CACNA1A: variants seen among roughly 807,000 people sequenced by gnomAD.
The protein encoded by CACNA1A is calcium voltage-gated channel subunit alpha1 A, also known as voltage-dependent P/Q-type calcium channel subunit alpha-1A.
A neutral mutation model predicts 262.4 loss-of-function variants in CACNA1A; 57 were observed. That is an observed-to-expected ratio of 0.22 (90% CI 0.18 to 0.27). The LOEUF (loss-of-function observed/expected upper bound fraction) is 0.27. Among genes scored for constraint, CACNA1A ranks in the 10% least tolerant of loss-of-function variants. CACNA1A has a pLI of 1.00. For synonymous variants in CACNA1A, 1,431 were observed against 1,419.3 expected, an observed-to-expected ratio of 1.01 and a Z score of -0.18; for missense variants, 2,526 against 3,562.8, an observed-to-expected ratio of 0.71 and a Z score of 7.41.
intron 1 of CACNA1A, among the ~76,000 whole-genome samples, chr19:13,457,960 T>C (rs529486932): frequency 3.3e-5 from 5 of 152,198 alleles, no homozygotes; most frequent in Admixed American, 1.3e-4. Flanking sequence ...TACCCCATAT[T>C]GTATGATTCC....
At chr19:13,466,882 T>TTATTTATTTATG (rs1414963290) in intron 1 of CACNA1A, among the ~76,000 whole-genome samples, 36 of 148,884 alleles carry the variant, frequency 2.4e-4, no homozygotes, top group Middle Eastern at 3.4e-3. Flanking sequence ...TTTCCATTAT[T>TTATTTATTTATG]TATTTATTTA....
intron 10 of CACNA1A, among the ~76,000 whole-genome samples, chr19:13,325,170 T>C (rs1360803542): frequency 6.8e-6 from 1 of 147,424 alleles, no homozygotes; most frequent in Non-Finnish European, 1.5e-5. Flanking sequence ...TCCTTCTTCT[T>C]CTTTCCTCCT....
chr19:13,384,502 A>G (rs2059575159), intron 3 of CACNA1A, among the ~76,000 whole-genome samples: 1 of 152,218 alleles, frequency 6.6e-6, no homozygotes, highest in Non-Finnish European at 1.5e-5. Flanking sequence ...GTTCGAGATC[A>G]GCCTGGCCAA....
At chr19:13,445,659 T>C (rs2060797132) in intron 3 of CACNA1A, among the ~76,000 whole-genome samples, 1 of 152,358 alleles carries the variant, frequency 6.6e-6, no homozygotes, top group South Asian at 2.1e-4. Flanking sequence ...AATATTTATA[T>C]ATATTTGAGA....
intron 15 of CACNA1A, 98 bp from the exon 16 acceptor site, chr19:13,303,982 G>T: frequency 1.2e-6 from 1 of 813,662 alleles, no homozygotes. Context: ...CCCCATCCCC[G>T]AGCCCAGGAG....
intron 10 of CACNA1A, among the ~76,000 whole-genome samples, chr19:13,328,868 C>G (rs1458607609): frequency 2.0e-5 from 3 of 152,008 alleles, no homozygotes; most frequent in Admixed American, 2.0e-4. Context: ...GGATCAGAAA[C>G]ACATGGATGT....
chr19:13,358,612 G>A (rs1056148922), intron 6 of CACNA1A, among the ~76,000 whole-genome samples: 4 of 152,166 alleles, frequency 2.6e-5, no homozygotes. Context: ...AACATTGGAA[G>A]GATATTCTGA....
At chr19:13,367,784 A>G (rs1043811931) in intron 4 of CACNA1A, among the ~76,000 whole-genome samples, 4 of 152,082 alleles carry the variant, frequency 2.6e-5, no homozygotes, top group Non-Finnish European at 5.9e-5. Flanking sequence ...CAGAAGACAC[A>G]CCCAACTGGG....
intron 3 of CACNA1A, among the ~76,000 whole-genome samples, chr19:13,401,090 C>A (rs2059892461): frequency 1.3e-5 from 2 of 152,168 alleles, no homozygotes; most frequent in Admixed American, 1.3e-4. Context: ...TCCCAAAGTC[C>A]TGGAATTACA....
intron 29 of CACNA1A, 32 bp downstream of exon 29, chr19:13,255,063 A>C: frequency 6.2e-7 from 1 of 1,610,816 alleles, no homozygotes; most frequent in Non-Finnish European, 8.5e-7. Context: ...GTGGGGGTTA[A>C]GTAGTGCTGG....
intron 1 of CACNA1A, among the ~76,000 whole-genome samples, chr19:13,469,010 T>G (rs1222706371): frequency 6.6e-6 from 1 of 151,690 alleles, no homozygotes; most frequent in African/African-American, 2.4e-5. Flanking sequence ...TCAGATAAGG[T>G]GGAAAAGGTG....
chr19:13,406,951 ACACACACATG>A (rs2060023093), intron 3 of CACNA1A, among the ~76,000 whole-genome samples: 1 of 151,862 alleles, frequency 6.6e-6, no homozygotes, highest in South Asian at 2.1e-4. Context: ...ACACAAACAC[ACACACACATG>A]CACACATGTA....
intron 2 of CACNA1A, 35 bp from the exon 3 acceptor site, chr19:13,453,050 G>A (rs1353686282): frequency 1.2e-6 from 2 of 1,612,680 alleles, no homozygotes; most frequent in African/African-American, 1.3e-5. Flanking sequence ...AGCGTCTTGG[G>A]CTGGGCAGAT....
intron 19 of CACNA1A, among the ~76,000 whole-genome samples, chr19:13,287,462 G>C (rs1568496728): frequency 6.6e-6 from 1 of 152,152 alleles, no homozygotes; most frequent in Admixed American, 6.5e-5. Context: ...TTGGTCAGAG[G>C]TCAAGACCTT....
At chr19:13,444,866 G>A (rs939867454) in intron 3 of CACNA1A, among the ~76,000 whole-genome samples, 6 of 152,164 alleles carry the variant, frequency 3.9e-5, no homozygotes, top group Admixed American at 1.3e-4. Context: ...GGCCCGGTGC[G>A]GTGGCTCACG....
intron 3 of CACNA1A, among the ~76,000 whole-genome samples, chr19:13,405,429 C>T (rs1407503526): frequency 6.6e-6 from 1 of 152,202 alleles, no homozygotes; most frequent in African/African-American, 2.4e-5. Flanking sequence ...TGGCCTCGAA[C>T]TCCCGTGCTC....
intron 10 of CACNA1A, among the ~76,000 whole-genome samples, chr19:13,329,984 A>C (rs2058438726): frequency 6.6e-6 from 1 of 152,134 alleles, no homozygotes; most frequent in Non-Finnish European, 1.5e-5. Flanking sequence ...CTTGACTGGG[A>C]GCTTCGTCCC....
At chr19:13,359,489 T>C in intron 6 of CACNA1A, 117 bp downstream of exon 6, 3 of 757,990 alleles carry the variant, frequency 4.0e-6, no homozygotes. Context: ...GTGTTGTCCT[T>C]GGGCTGCCTT....
At chr19:13,352,373 C>T (rs1444265888) in intron 6 of CACNA1A, among the ~76,000 whole-genome samples, 3 of 148,740 alleles carry the variant, frequency 2.0e-5, no homozygotes, top group Non-Finnish European at 4.4e-5. Context: ...CACTGCACTC[C>T]AGCCTGGGCA....
Sources: gnomAD v4.1 joint callset for allele counts (sites outside exome capture counted in the v4.1 genomes callset) on GRCh38, gnomAD v4.1.1 for gene constraint, MANE v1.5 for transcripts, NCBI Gene and HGNC (gene_info 2026-07-23, HGNC 2026-07-21) for gene names.